TMTC2: variants seen among roughly 807,000 people sequenced by gnomAD.
The protein encoded by TMTC2 is protein O-mannosyl-transferase TMTC2.
Under a neutral mutation model 82.4 loss-of-function variants are expected in TMTC2, and 43 were observed. The observed-to-expected ratio is 0.52, with a 90% CI of 0.41 to 0.67. The LOEUF is 0.67. Among genes scored for constraint, TMTC2 ranks in the 30% least tolerant of loss-of-function variants. The pLI is 0.00. For missense variants in TMTC2, 919 were observed against 1,012.4 expected (o/e 0.91, Z 1.25); for synonymous variants, 408 against 381.9 (o/e 1.07, Z -0.80).
intron 1 of TMTC2, among the ~76,000 whole-genome samples, chr12:82,729,416 C>T (rs549559639): frequency 2.6e-5 from 4 of 152,070 alleles, no homozygotes; most frequent in African/African-American, 7.2e-5. Flanking sequence ...CACTCTGTAT[C>T]TAGTTCAAGG....
At chr12:82,888,559 A>T (rs565357107) in intron 2 of TMTC2, among the ~76,000 whole-genome samples, 1 of 152,168 alleles carries the variant, frequency 6.6e-6, no homozygotes, top group African/African-American at 2.4e-5. Context: ...AGTAGTTGGG[A>T]CTACAGGCTA....
intron 1 of TMTC2, among the ~76,000 whole-genome samples, chr12:82,826,659 T>C (rs1869437168): frequency 6.6e-6 from 1 of 152,222 alleles, no homozygotes; most frequent in Non-Finnish European, 1.5e-5. Flanking sequence ...TAGAAAGTCT[T>C]TCTTAATTAC....
At chr12:82,806,352 C>T (rs549924915) in intron 1 of TMTC2, among the ~76,000 whole-genome samples, 34 of 152,200 alleles carry the variant, frequency 2.2e-4, no homozygotes, top group African/African-American at 7.5e-4. Flanking sequence ...TCCATGGCAA[C>T]CATAGTCAAA....
At chr12:82,766,191 C>T (rs921913422) in intron 1 of TMTC2, among the ~76,000 whole-genome samples, 12 of 152,194 alleles carry the variant, frequency 7.9e-5, no homozygotes, top group Admixed American at 2.6e-4. Flanking sequence ...CACCTCAGGG[C>T]AGAGTATGCT....
intron 11 of TMTC2, among the ~76,000 whole-genome samples, chr12:83,120,096 T>C (rs1174170397): frequency 2.0e-5 from 3 of 152,200 alleles, no homozygotes; most frequent in Non-Finnish European, 4.4e-5. Context: ...TGCAATTCTG[T>C]ATCTTTTAAG....
At chr12:82,943,388 T>C (rs544890228) in intron 4 of TMTC2, among the ~76,000 whole-genome samples, 1 of 152,238 alleles carries the variant, frequency 6.6e-6, no homozygotes, top group Non-Finnish European at 1.5e-5. Flanking sequence ...GGCATTTGAC[T>C]CTAAATTTAC....
At chr12:82,980,735 A>T (rs1796157) in intron 7 of TMTC2, among the ~76,000 whole-genome samples, 1 of 151,806 alleles carries the variant, frequency 6.6e-6, no homozygotes, top group Admixed American at 6.6e-5. Context: ...ATAGCTTGGC[A>T]TATGCAATTT....
In TMTC2 at chr12:83,107,810, C is replaced by A. The variant is rs565271202; in HGVS notation, c.2332-24400C>A. On this transcript the variant is annotated intron_variant, in intron 11 of 11. Transcript: ENST00000321196. ...CAAGAGATTATCACTATTTAAATCA[C>A]CACGCTGAATTTTGAAGTTTAGTCT... 9.9e-5 allele frequency among the ~76,000 whole-genome samples: 15 copies of A among 152,136 alleles called. No homozygotes were observed. In the South Asian group the frequency reaches 2.9e-3, roughly 30 times the overall value.
At chr12:82,966,361 C>T (rs1275275204) in intron 6 of TMTC2, among the ~76,000 whole-genome samples, 1 of 152,086 alleles carries the variant, frequency 6.6e-6, no homozygotes, top group African/African-American at 2.4e-5. Context: ...TGCATGAGTT[C>T]CTTATTGCCC....
At chr12:83,019,363 T>C (rs1267919961) in intron 8 of TMTC2, among the ~76,000 whole-genome samples, 1 of 152,178 alleles carries the variant, frequency 6.6e-6, no homozygotes, top group African/African-American at 2.4e-5. Context: ...CCACTTCTTC[T>C]GGCTTCCATA....
intron 7 of TMTC2, among the ~76,000 whole-genome samples, chr12:82,982,998 G>GA (rs1240988474): frequency 2.6e-5 from 4 of 151,514 alleles, no homozygotes; most frequent in Non-Finnish European, 4.4e-5. Flanking sequence ...TATAGAAATT[G>GA]AAAAACTGTT....
chr12:82,790,525 T>C (rs1376144366), intron 1 of TMTC2, among the ~76,000 whole-genome samples: 1 of 152,000 alleles, frequency 6.6e-6, no homozygotes, highest in Non-Finnish European at 1.5e-5. Flanking sequence ...AGACTCAATG[T>C]GTTTGAAAAA....
chr12:82,922,770 A>G (rs1294192981), intron 3 of TMTC2, among the ~76,000 whole-genome samples: 7 of 152,188 alleles, frequency 4.6e-5, no homozygotes, highest in Non-Finnish European at 8.8e-5. Context: ...TATCATTGTT[A>G]TGACAATGCA....
intron 8 of TMTC2, among the ~76,000 whole-genome samples, chr12:82,997,324 CTG>C (rs1317663170): frequency 0.063 from 1,617 of 25,480 alleles, 128 homozygotes; most frequent in African/African-American, 0.18. Flanking sequence ...GTGTGTGTGT[CTG>C]TGTGTGTGTG....
chr12:82,867,628 A>G (rs1386397789), intron 2 of TMTC2, among the ~76,000 whole-genome samples: 3 of 152,186 alleles, frequency 2.0e-5, no homozygotes, highest in Non-Finnish European at 4.4e-5. Flanking sequence ...ACATAATTCA[A>G]TTTTGTGTAT....
At chr12:82,803,645 G>A (rs1250644228) in intron 1 of TMTC2, among the ~76,000 whole-genome samples, 2 of 152,144 alleles carry the variant, frequency 1.3e-5, no homozygotes, top group South Asian at 4.1e-4. Flanking sequence ...AAATGCTTCG[G>A]TTGAGCATGC....
intron 3 of TMTC2, among the ~76,000 whole-genome samples, chr12:82,904,286 A>G (rs542376872): frequency 2.6e-5 from 4 of 152,186 alleles, no homozygotes; most frequent in Non-Finnish European, 5.9e-5. Context: ...AAATTCTGGA[A>G]TACTTCAGTC....
chr12:82,857,393 T>G lies in TMTC2; in HGVS notation c.467T>G (p.Ile156Ser). Residue 156 changes from isoleucine to serine, a missense_variant, in exon 2 of 12, where the codon ATT becomes AGT. Transcript: ENST00000321196. ...TTTCTCCTCTCCTTGCTCTGCTACATTAAACACTGTTCTACAAGAGGCTAC... is the reference window on the plus strand; with the variant it reads ...TTTCTCCTCTCCTTGCTCTGCTACAGTAAACACTGTTCTACAAGAGGCTAC... Reference protein sequence around the residue: ...LFFLLSLLCYIKHCSTRGYSA... With the variant: ...LFFLLSLLCYSKHCSTRGYSA... 1.9e-6 allele frequency: 3 copies of G among 1,614,178 alleles called. No homozygotes were observed. Among genetic ancestry groups the G allele is most frequent in the Non-Finnish European group, 2.5e-6 (3 of 1,180,034 alleles).
chr12:83,008,829 G>A (rs1880322548), intron 8 of TMTC2, among the ~76,000 whole-genome samples: 1 of 152,058 alleles, frequency 6.6e-6, no homozygotes, highest in South Asian at 2.1e-4. Context: ...GCTGCTAGAG[G>A]CTTCAAATTT....
Sources: allele counts gnomAD v4.1 joint callset (sites outside exome capture counted in the v4.1 genomes callset), GRCh38; gene constraint gnomAD v4.1.1; transcripts MANE v1.5; gene names NCBI Gene and HGNC (gene_info 2026-07-23, HGNC 2026-07-21).